Variants in CUL9 observed in about 807,000 individuals in gnomAD.
The protein encoded by CUL9 is cullin-9.
A neutral mutation model predicts 272.6 loss-of-function variants in CUL9; 79 were observed. The ratio of observed to expected loss-of-function variants is 0.29; its 90% CI spans 0.24 to 0.35. The LOEUF is 0.35. Among genes scored for constraint, CUL9 ranks in the 10% least tolerant of loss-of-function variants. The pLI is 1.00. For synonymous variants in CUL9, 1,186 were observed against 1,286.5 expected (o/e 0.92, Z 1.67); for missense variants, 2,532 against 3,255.6 (o/e 0.78, Z 5.41).
rs1773157793 is a variant in CUL9, at chr6:43,188,819, G to A, written c.2180+104G>A. 5.7e-5 allele frequency: 56 copies of A among 990,172 alleles called. 1 individual carries two copies. In the South Asian group the frequency reaches 9.1e-4, roughly 16 times the overall value. 61.3% of individuals were successfully genotyped at this position (990,172 alleles called of 1,614,324 possible). A position where few individuals can be genotyped will look rare whatever the true frequency, so the allele number is the denominator to read the frequency against. On this transcript the variant is annotated intron_variant, in intron 8 of 40. Transcript: ENST00000252050. ...ATCACGAATTAGAAAAGCTTGGGGTGAGGGAAGGCTCAGCCTGAGGAGCAG... is the reference window on the plus strand; with the variant it reads ...ATCACGAATTAGAAAAGCTTGGGGTAAGGGAAGGCTCAGCCTGAGGAGCAG...
chr6:43,200,630 C>T lies in CUL9; in HGVS notation c.3476-33C>T. On this transcript the variant is annotated intron_variant, in intron 15 of 40. Coordinates refer to ENST00000252050, the MANE Select transcript of CUL9 (RefSeq NM_015089.4). This position sits in a 1 kb window ranked among gnomAD's most constrained non-coding sequence, Gnocchi z 4.0. ...TCCTTTTTCCTCTCAACTAACCTAG[C>T]TGTGACTGCCACCCCTTCCCACTTG... 6.2e-7 allele frequency: 1 copy of T among 1,614,116 alleles called. No individual in the cohort carries two copies. The highest frequency in any genetic ancestry group is 8.5e-7 in the Non-Finnish European group (1 of 1,179,964).
Position 43,222,637 on chromosome 6 carries a change from G to C in CUL9, c.7028G>C (p.Arg2343Pro). The C allele has an allele frequency of 6.2e-7, 1 of 1,612,022 alleles. No individual in the cohort carries two copies. Among genetic ancestry groups the C allele is most frequent in the Non-Finnish European group, 8.5e-7 (1 of 1,179,970 alleles). ...NDACQGLEQA[R>P]KVLAYACVYS... ...GCCTGCCAGGGACTGGAGCAGGCTC[G>C]GAAGGTGGTAGCGGGTGGGGGAAGA... Residue 2343 changes from arginine to proline, a missense_variant, in exon 37 of 41, where the codon CGG becomes CCG. Physicochemically the swap from Arg to Pro is moderately radical, Grantham distance 103. Around this residue, in one of 3 missense-constraint regions of CUL9, gnomAD observed 237 missense variants for 305.9 expected, o/e 0.77. Transcript: ENST00000252050.
intron 29 of CUL9, among the ~76,000 whole-genome samples, chr6:43,214,662 G>A (rs567956117): frequency 3.9e-5 from 6 of 152,118 alleles, no homozygotes; most frequent in African/African-American, 9.6e-5. Flanking sequence ...TTAGCCAGGC[G>A]TGGTGGTGCA....
At chr6:43,188,298 C>T (rs1038774018) in intron 7 of CUL9, 180 bp downstream of exon 7, 14 of 833,334 alleles carry the variant, frequency 1.7e-5, no homozygotes, top group Non-Finnish European at 2.2e-5. Flanking sequence ...TTAACCAGCG[C>T]TCCCTTCCTT....
At position 43,203,875 on chromosome 6, in the gene CUL9, C is replaced by G; in HGVS notation, c.4047C>G (p.His1349Gln). 4 of 1,612,594 alleles carry G rather than the reference C, an allele frequency of 2.5e-6. No homozygotes were observed. Among genetic ancestry groups the G allele is most frequent in the Non-Finnish European group, 3.4e-6 (4 of 1,179,016 alleles). Residue 1349 changes from histidine to glutamine, a missense_variant, in exon 20 of 41, where the codon CAC becomes CAG. Transcript: ENST00000252050. This position sits in a 1 kb window ranked among gnomAD's most constrained non-coding sequence, Gnocchi z 5.0. ...LCPRLNRVLR[H>Q]EQNFADRFLP... ...CCAGACTGAACAGGGTTTTGCGCCA[C>G]GAGCAGAATTTTGCTGACCGCTTCC...
chr6:43,213,201 G>T lies in CUL9; in HGVS notation c.5265G>T (p.Thr1755=). 1 of 1,614,182 alleles carries T rather than the reference G, an allele frequency of 6.2e-7. No homozygotes were observed. The highest frequency in any genetic ancestry group is 8.5e-7 in the Non-Finnish European group (1 of 1,180,032). Residue 1755 remains threonine (T), a synonymous_variant, in exon 27 of 41, where the codon ACG becomes ACT. Transcript: ENST00000252050. The surrounding 1 kb of genome is among the most constrained non-coding windows in gnomAD (Gnocchi z 5.7). ...DMGPHRRLQW[T]WLGRAELQFG... ...GACCACATCGGCGACTGCAGTGGAC[G>T]TGGCTGGGCCGGGCTGAGCTGCAGT...
intron 8 of CUL9, among the ~76,000 whole-genome samples, chr6:43,191,419 A>G (rs901750300): frequency 2.0e-5 from 3 of 148,546 alleles, no homozygotes; most frequent in African/African-American, 7.6e-5. Flanking sequence ...GCCTCTAGCA[A>G]CCCTTCTTGC....
At chr6:43,197,553 T>C (rs1203960395) in intron 11 of CUL9, among the ~76,000 whole-genome samples, 1 of 151,636 alleles carries the variant, frequency 6.6e-6, no homozygotes, top group African/African-American at 2.4e-5. Context: ...GCACGATCTC[T>C]GCTCACTGCA....
chr6:43,182,981 T>C (rs912396410), intron 1 of CUL9, among the ~76,000 whole-genome samples: 1 of 152,220 alleles, frequency 6.6e-6, no homozygotes, highest in African/African-American at 2.4e-5. Flanking sequence ...TGAACACTCT[T>C]TATGTGCTAG....
chr6:43,199,432 G>C lies in CUL9; in HGVS notation c.3156+61G>C. On this transcript the variant is annotated intron_variant, in intron 13 of 40. Coordinates refer to ENST00000252050, the MANE Select transcript of CUL9 (RefSeq NM_015089.4). The surrounding 1 kb of genome is among the most constrained non-coding windows in gnomAD (Gnocchi z 4.4). ...GCAGCATCTGGGGCACCAACTCCTTGTGAGGCTCTGGAGGGCACAGCAGAG... is the reference window on the plus strand; with the variant it reads ...GCAGCATCTGGGGCACCAACTCCTTCTGAGGCTCTGGAGGGCACAGCAGAG... 1 of 1,343,486 alleles carries C rather than the reference G, an allele frequency of 7.4e-7. No individual in the cohort carries two copies. The highest frequency in any genetic ancestry group is 1.1e-6 in the Non-Finnish European group (1 of 936,998). The allele number at this position is 1,343,486 out of a possible 1,614,324, so 83.2% of individuals were successfully genotyped here.
In CUL9 at chr6:43,213,481, C is replaced by T; in HGVS notation, c.5402C>T (p.Pro1801Leu). The T allele has an allele frequency of 6.2e-7, 1 of 1,614,164 alleles. No individual in the cohort carries two copies. Among genetic ancestry groups the T allele is most frequent in the South Asian group, 1.1e-5 (1 of 91,072 alleles). The stretch of plus-strand genomic sequence containing the variant: ...TTGCTGAAGGATTCTGACCTCTCCC[C>T]AGAGCTGCTGCTCCAGGCACTCGTG... ...ETLLKDSDLSPELLLQALVPL... is the reference protein window; with the variant it reads ...ETLLKDSDLSLELLLQALVPL... The change falls in exon 28 of 41, where the codon CCA becomes CTA. Residue 1801 changes from proline to leucine, a missense_variant. Coordinates refer to ENST00000252050, the MANE Select transcript of CUL9 (RefSeq NM_015089.4). This position sits in a 1 kb window ranked among gnomAD's most constrained non-coding sequence, Gnocchi z 5.7.
At chr6:43,204,302 T>G in intron 20 of CUL9, 58 bp from the exon 21 acceptor site, 4 of 1,587,884 alleles carry the variant, frequency 2.5e-6, no homozygotes, top group South Asian at 1.1e-5. Flanking sequence ...TCCTCTGCCC[T>G]GAGCTGTCTG....
chr6:43,213,708 T>C lies in CUL9; in HGVS notation c.5489-5T>C, dbSNP rs749337696. 16 of 1,612,242 alleles carry C rather than the reference T, an allele frequency of 9.9e-6. No individual in the cohort carries two copies. The highest frequency in any genetic ancestry group is 1.4e-5 in the Non-Finnish European group (16 of 1,179,406). On this transcript the variant is annotated splice_region_variant and splice_polypyrimidine_tract_variant and intron_variant, in intron 28 of 40. Coordinates refer to ENST00000252050, the MANE Select transcript of CUL9 (RefSeq NM_015089.4). The surrounding 1 kb of genome is among the most constrained non-coding windows in gnomAD (Gnocchi z 5.7). ...CTCTGGTACCTGACCGGGAGCGGGT[T>C]CCAGGTGTGCTGCGGCTTCATGAGC... is the stretch of plus-strand genomic sequence containing the variant.
At chr6:43,211,263 A>G (rs1378943650) in intron 26 of CUL9, among the ~76,000 whole-genome samples, 1 of 152,174 alleles carries the variant, frequency 6.6e-6, no homozygotes, top group Non-Finnish European at 1.5e-5. Context: ...TACATCTGTT[A>G]GAAGTATCTT....
rs776369038 is a variant in CUL9, at chr6:43,220,595, C to T, written c.6419C>T (p.Ser2140Phe). 8 of 1,614,092 alleles carry T rather than the reference C, an allele frequency of 5.0e-6. No homozygotes were observed. The South Asian group carries it at 8.8e-5, about 18-fold the overall frequency. Residue 2140 changes from serine to phenylalanine, a missense_variant, in exon 32 of 41, where the codon TCC becomes TTC. By Grantham distance (155) the Ser-to-Phe change is radical. Coordinates refer to ENST00000252050, the MANE Select transcript of CUL9 (RefSeq NM_015089.4). The surrounding 1 kb of genome is among the most constrained non-coding windows in gnomAD (Gnocchi z 4.9). ...RAIVSSPEVI[S>F]KYEKALLRGY... ...ATCGTCTCCTCGCCAGAGGTCATCTCCAAGGTATCCCCTCTCGTCTGAGAG... is the reference window on the plus strand; with the variant it reads ...ATCGTCTCCTCGCCAGAGGTCATCTTCAAGGTATCCCCTCTCGTCTGAGAG...
chr6:43,222,229 G>A, intron 35 of CUL9, 87 bp from the exon 36 acceptor site: 1 of 1,012,616 alleles, frequency 9.9e-7, no homozygotes, highest in Non-Finnish European at 1.6e-6. Context: ...GTGTAGAAAG[G>A]CCTCCGTGAA....
chr6:43,201,789 T>C (rs1466754392), intron 16 of CUL9, among the ~76,000 whole-genome samples: 1 of 152,212 alleles, frequency 6.6e-6, no homozygotes, highest in Non-Finnish European at 1.5e-5. Flanking sequence ...GAAAGCTGTG[T>C]ATGTCTAAGT....
chr6:43,196,736 C>G lies in CUL9; in HGVS notation c.2677C>G (p.Leu893Val), dbSNP rs749062784. ...TLGDQIITQE[L>V]RDTLFRHSGI... ...GGGAGACCAGATTATAACCCAAGAG[C>G]TGAGAGACACGTTGTTTAGGCACTC... The change falls in exon 11 of 41, where the codon CTG (leucine) becomes GTG (valine). Residue 893 changes from leucine to valine, a missense_variant. Physicochemically the swap from Leu to Val is conservative, Grantham distance 32. Around this residue, in one of 3 missense-constraint regions of CUL9, gnomAD observed 2,218 missense variants for 2,788.6 expected, o/e 0.80. Coordinates refer to ENST00000252050, the MANE Select transcript of CUL9 (RefSeq NM_015089.4). 6.2e-7 allele frequency: 1 copy of G among 1,614,198 alleles called. No homozygotes were observed. The highest frequency in any genetic ancestry group is 1.1e-5 in the South Asian group (1 of 91,082).
rs1366257174 is a variant in CUL9, at chr6:43,220,020, A to G, written c.6283-439A>G. Among the ~76,000 whole-genome samples, 1 of 152,154 alleles carries G rather than the reference A, an allele frequency of 6.6e-6. No individual in the cohort carries two copies. Among genetic ancestry groups the G allele is most frequent in the Admixed American group, 6.5e-5 (1 of 15,270 alleles). On this transcript the variant is annotated intron_variant, in intron 31 of 40. Coordinates refer to ENST00000252050, the MANE Select transcript of CUL9 (RefSeq NM_015089.4). This position sits in a 1 kb window ranked among gnomAD's most constrained non-coding sequence, Gnocchi z 4.9. ...GGAGGCATAAGTCAGAGACAGGAGCATCCGGACGGTCATTGGAGATAAGCC... is the reference window on the plus strand; with the variant it reads ...GGAGGCATAAGTCAGAGACAGGAGCGTCCGGACGGTCATTGGAGATAAGCC...
Sources: gnomAD v4.1 joint callset for allele counts (sites outside exome capture counted in the v4.1 genomes callset) on GRCh38, gnomAD v4.1.1 for gene constraint, gnomAD v4.1.1 regional missense constraint, Gnocchi (gnomAD v3.1) non-coding constraint, MANE v1.5 for transcripts, NCBI Gene and HGNC (gene_info 2026-07-23, HGNC 2026-07-21) for gene names.